Variants in ATXN1 observed in about 807,000 individuals in gnomAD.
ATXN1 encodes the protein ataxin 1, also known as ataxin-1.
In ATXN1, 8 loss-of-function variants were observed where a neutral mutation model predicts 56.4. That is an observed-to-expected ratio of 0.14 (90% confidence interval 0.08 to 0.26). ATXN1 has a LOEUF of 0.26. Ranked by LOEUF, ATXN1 falls within the 10% of genes least tolerant of loss-of-function variation. The pLI is 1.00. For synonymous variants in ATXN1, 514 were observed against 494.6 expected (o/e 1.04, Z -0.52); for missense variants, 987 against 1,106.5 (o/e 0.89, Z 1.53).
intron 7 of ATXN1, among the ~76,000 whole-genome samples, chr6:16,324,129 C>T (rs1363319859): frequency 6.6e-6 from 1 of 152,022 alleles, no homozygotes; most frequent in Non-Finnish European, 1.5e-5. Context: ...TGGTCCTTTC[C>T]TCACTTGGGC....
rs1382984297 is a variant in ATXN1, at chr6:16,326,125, CTAGAG to C, written c.1917+264_1917+268del. Among the ~76,000 whole-genome samples the C allele has an allele frequency of 2.6e-5, 4 of 152,206 alleles. No homozygotes were observed. Among genetic ancestry groups the C allele is most frequent in the African/African-American group, 9.7e-5 (4 of 41,442 alleles). The stretch of plus-strand genomic sequence containing the variant: ...CTTAATCACAGAATTCAAAAAATAA[CTAGAG>C]TGGTGAGTTTCTGGATTGTCTCAAG... On this transcript the variant is annotated intron_variant, in intron 7 of 7. Coordinates refer to ENST00000436367, the MANE Select transcript of ATXN1 (RefSeq NM_001128164.2). This position sits in a 1 kb window ranked among gnomAD's most constrained non-coding sequence, Gnocchi z 6.6.
intron 2 of ATXN1, among the ~76,000 whole-genome samples, chr6:16,735,419 C>T (rs1390041248): frequency 6.6e-6 from 1 of 152,146 alleles, no homozygotes; most frequent in African/African-American, 2.4e-5. Flanking sequence ...ATAAAACTAT[C>T]AGCAATCAAG....
intron 6 of ATXN1, among the ~76,000 whole-genome samples, chr6:16,445,071 T>C (rs1219472804): frequency 6.6e-6 from 1 of 152,112 alleles, no homozygotes. Flanking sequence ...TACCGAGTAG[T>C]GTAAAAGAGG....
intron 6 of ATXN1, among the ~76,000 whole-genome samples, chr6:16,479,138 G>A (rs1420660464): frequency 6.6e-6 from 1 of 152,164 alleles, no homozygotes; most frequent in East Asian, 1.9e-4. Context: ...ATAGCCATTT[G>A]TATACCATTT....
Position 16,584,271 on chromosome 6 carries a change from CAT to C in ATXN1, c.-361+1507_-361+1508del, listed in dbSNP as rs1554117653. ...ACACACACACACACACACACACACA[CAT>C]ATACACATATATATATATACACACA... is the stretch of plus-strand genomic sequence containing the variant. On this transcript the variant is annotated intron_variant, in intron 4 of 7. Coordinates refer to ENST00000436367, the MANE Select transcript of ATXN1 (RefSeq NM_001128164.2). Among the ~76,000 whole-genome samples, 102 of 140,312 alleles carry C rather than the reference CAT, an allele frequency of 7.3e-4. 1 individual carries two copies. Among genetic ancestry groups the C allele is most frequent in the South Asian group, 3.5e-3 (15 of 4,258 alleles). The allele number at this position is 140,312 out of a possible 152,430, so 92.1% of individuals were successfully genotyped here.
rs78900557 is a variant in ATXN1, at chr6:16,560,756, T to C, written c.-361+25024A>G. Among the ~76,000 whole-genome samples the C allele has an allele frequency of 4.3e-4, 66 of 152,310 alleles. No individual in the cohort carries two copies. In the East Asian group the frequency reaches 0.012, roughly 27 times the overall value. On this transcript the variant is annotated intron_variant, in intron 4 of 7. Transcript: ENST00000436367. ...CTTTTTTGATTCCCTTGAAGACACA[T>C]TCAGCATCACAAAAGAGGTGGTAAA...
At chr6:16,731,790 T>C (rs1189561986) in intron 2 of ATXN1, among the ~76,000 whole-genome samples, 2 of 151,774 alleles carry the variant, frequency 1.3e-5, no homozygotes, top group Non-Finnish European at 2.9e-5. Flanking sequence ...CCTCCTACAC[T>C]GGCATTCTCT....
intron 4 of ATXN1, among the ~76,000 whole-genome samples, chr6:16,549,971 T>C (rs149818993): frequency 0.016 from 1,955 of 123,176 alleles, 53 homozygotes; most frequent in African/African-American, 0.059. Flanking sequence ...TGAGAACACA[T>C]GGACACAGGA....
chr6:16,403,730 ATCT>A (rs1228216833), intron 6 of ATXN1, among the ~76,000 whole-genome samples: 2 of 152,108 alleles, frequency 1.3e-5, no homozygotes, highest in Non-Finnish European at 2.9e-5. Flanking sequence ...TGACCACTTC[ATCT>A]TCTTCTACCT....
chr6:16,734,070 C>A (rs113232779), intron 2 of ATXN1, among the ~76,000 whole-genome samples: 1 of 152,030 alleles, frequency 6.6e-6, no homozygotes, highest in African/African-American at 2.4e-5. Flanking sequence ...CCAGCCTAGG[C>A]AACCGACAGA....
chr6:16,334,708 C>A (rs1324277428), intron 6 of ATXN1, among the ~76,000 whole-genome samples: 1 of 152,238 alleles, frequency 6.6e-6, no homozygotes, highest in Admixed American at 6.5e-5. Context: ...TAAAGCAAGA[C>A]CCTGTCTCAA....
chr6:16,531,513 C>T (rs1360477620), intron 4 of ATXN1, among the ~76,000 whole-genome samples: 2 of 151,800 alleles, frequency 1.3e-5, no homozygotes, highest in African/African-American at 4.8e-5. Context: ...ATCTCAGCTA[C>T]TCAGGAGGCT....
At chr6:16,742,659 A>G (rs963105205) in intron 2 of ATXN1, among the ~76,000 whole-genome samples, 2 of 152,180 alleles carry the variant, frequency 1.3e-5, no homozygotes, top group Non-Finnish European at 2.9e-5. Flanking sequence ...GTCCTCACCT[A>G]CCACCAACAG....
At position 16,598,826 on chromosome 6, in the gene ATXN1, T is replaced by C. The variant is rs1012242539; in HGVS notation, c.-488-12919A>G. 5.9e-5 allele frequency among the ~76,000 whole-genome samples: 9 copies of C among 152,262 alleles called. No homozygotes were observed. In the South Asian group the frequency reaches 1.7e-3, roughly 28 times the overall value. On this transcript the variant is annotated intron_variant, in intron 3 of 7. Coordinates refer to ENST00000436367, the MANE Select transcript of ATXN1 (RefSeq NM_001128164.2). ...ACAAAAAGGCTGCAGGCTGACACCA[T>C]TTTGCAGTGTTCACTGGCAAGGCTG... is the stretch of plus-strand genomic sequence containing the variant.
At chr6:16,619,097 T>A (rs571084371) in intron 3 of ATXN1, among the ~76,000 whole-genome samples, 32 of 152,080 alleles carry the variant, frequency 2.1e-4, no homozygotes, top group African/African-American at 7.7e-4. Flanking sequence ...AATTTTTAAC[T>A]TATCAAATTG....
chr6:16,759,698 A>AT lies in ATXN1; in HGVS notation c.-730+1599dup, dbSNP rs200701562. On this transcript the variant is annotated intron_variant, in intron 1 of 7. Transcript: ENST00000436367. ...GAATCCCCGCCGTCCTTAGAAACGGATTTTTTTTTGTTTTGTTTTGTTTTC... is the reference window on the plus strand; with the variant it reads ...GAATCCCCGCCGTCCTTAGAAACGGATTTTTTTTTTGTTTTGTTTTGTTTTC... 9.9e-3 allele frequency among the ~76,000 whole-genome samples: 1,493 copies of AT among 151,120 alleles called. 8 individuals carry two copies. Among genetic ancestry groups the AT allele is most frequent in the African/African-American group, 0.018 (727 of 41,146 alleles).
intron 6 of ATXN1, among the ~76,000 whole-genome samples, chr6:16,355,928 C>T (rs1380736318): frequency 1.3e-5 from 2 of 152,198 alleles, no homozygotes; most frequent in East Asian, 1.9e-4. Context: ...TAACTGCAAA[C>T]ACGTCTTGCT....
intron 5 of ATXN1, among the ~76,000 whole-genome samples, chr6:16,498,225 A>C (rs1382316225): frequency 6.6e-6 from 1 of 152,200 alleles, no homozygotes; most frequent in Non-Finnish European, 1.5e-5. Context: ...TGTTGTGTAT[A>C]AACTGAATCA....
chr6:16,687,823 C>A (rs1031258359), intron 2 of ATXN1, among the ~76,000 whole-genome samples: 1 of 152,098 alleles, frequency 6.6e-6, no homozygotes, highest in African/African-American at 2.4e-5. Flanking sequence ...TTATCTGGTA[C>A]TCATAGAGGT....
Sources: allele counts gnomAD v4.1 joint callset (sites outside exome capture counted in the v4.1 genomes callset), GRCh38; gene constraint gnomAD v4.1.1; non-coding constraint Gnocchi (gnomAD v3.1); transcripts MANE v1.5; gene names NCBI Gene and HGNC (gene_info 2026-07-23, HGNC 2026-07-21).